The following RNF17 variants were observed in gnomAD, a reference collection of about 807,000 sequenced individuals.
RNF17 encodes ring finger protein 17.
A neutral mutation model predicts 200.5 loss-of-function variants in RNF17; 31 were observed. The ratio of observed to expected loss-of-function variants is 0.15; its 90% CI spans 0.12 to 0.21. The LOEUF (loss-of-function observed/expected upper bound fraction) is 0.21, where lower values mean the gene tolerates loss of function less well. Among genes scored for constraint, RNF17 ranks in the 10% least tolerant of loss-of-function variants. RNF17 has a pLI of 1.00. For missense variants in RNF17, 1,628 were observed against 1,905.1 expected (o/e 0.85, Z 2.71); for synonymous variants, 606 against 637.8 (o/e 0.95, Z 0.75).
chr13:24,850,540 T>A, intron 23 of RNF17, 97 bp downstream of exon 23: 1 of 782,456 alleles, frequency 1.3e-6, no homozygotes, highest in Non-Finnish European at 2.0e-6. Context: ...AGCCAACTAT[T>A]TGGATTTTGT....
intron 15 of RNF17, among the ~76,000 whole-genome samples, chr13:24,809,376 G>T (rs1886301470): frequency 6.6e-6 from 1 of 152,172 alleles, no homozygotes; most frequent in South Asian, 2.1e-4. Context: ...AGTCTTGGGA[G>T]AGTGTGTCGA....
chr13:24,766,758 TACAAATA>T (rs1879756301), intron 1 of RNF17, among the ~76,000 whole-genome samples: 1 of 152,244 alleles, frequency 6.6e-6, no homozygotes, highest in Non-Finnish European at 1.5e-5. Context: ...CTGTGATATT[TACAAATA>T]ACAAATAAAA....
chr13:24,863,853 C>A (rs571705793), intron 28 of RNF17, among the ~76,000 whole-genome samples: 1 of 152,206 alleles, frequency 6.6e-6, no homozygotes, highest in Non-Finnish European at 1.5e-5. Flanking sequence ...ACAACCCAGC[C>A]GACAGCAGGC....
intron 15 of RNF17, among the ~76,000 whole-genome samples, chr13:24,815,900 G>A (rs78112181): frequency 6.6e-6 from 1 of 151,952 alleles, no homozygotes; most frequent in African/African-American, 2.4e-5. Context: ...TTGTTTCCTT[G>A]TTGGTTTGTT....
intron 18 of RNF17, 108 bp from the exon 19 acceptor site, chr13:24,841,933 T>C: frequency 1.1e-6 from 1 of 908,222 alleles, no homozygotes; most frequent in Non-Finnish European, 1.6e-6. Context: ...GCCACTGCAC[T>C]CCAGCCTGGG....
intron 27 of RNF17, 51 bp downstream of exon 27, chr13:24,861,438 T>C: frequency 1.7e-6 from 2 of 1,210,000 alleles, no homozygotes; most frequent in South Asian, 1.8e-5. Context: ...TTAGTTTTTA[T>C]TAATAATTTT....
intron 2 of RNF17, among the ~76,000 whole-genome samples, chr13:24,769,610 G>A (rs1047530554): frequency 6.6e-6 from 1 of 152,146 alleles, no homozygotes; most frequent in Non-Finnish European, 1.5e-5. Context: ...GAGAATGGAA[G>A]AATCTAGTTT....
chr13:24,868,394 C>T (rs1050925355), intron 30 of RNF17, among the ~76,000 whole-genome samples: 9 of 133,806 alleles, frequency 6.7e-5, no homozygotes, highest in Admixed American at 8.5e-5. Flanking sequence ...GGCGTGAACC[C>T]GGGAGGCGGA....
chr13:24,861,555 T>C (rs1893105450), intron 27 of RNF17, among the ~76,000 whole-genome samples, 168 bp downstream of exon 27: 1 of 152,208 alleles, frequency 6.6e-6, no homozygotes, highest in Non-Finnish European at 1.5e-5. Context: ...TGAAGACAGT[T>C]ACAAAATTAT....
intron 22 of RNF17, among the ~76,000 whole-genome samples, chr13:24,848,805 A>G (rs1005828141): frequency 1.3e-5 from 2 of 152,232 alleles, no homozygotes; most frequent in African/African-American, 2.4e-5. Context: ...TAATAAATCA[A>G]TGGATAACCT....
chr13:24,790,675 C>G (rs780946709), intron 9 of RNF17, among the ~76,000 whole-genome samples: 10 of 152,132 alleles, frequency 6.6e-5, no homozygotes, highest in Non-Finnish European at 1.3e-4. Flanking sequence ...GCTGAGAAGC[C>G]CAAGATCATA....
intron 16 of RNF17, among the ~76,000 whole-genome samples, chr13:24,829,425 T>C (rs567003430): frequency 6.6e-6 from 1 of 152,360 alleles, no homozygotes; most frequent in South Asian, 2.1e-4. Context: ...TCAGAGACTT[T>C]AGGAAGAGTA....
chr13:24,859,653 T>G (rs1223484833), intron 26 of RNF17, among the ~76,000 whole-genome samples: 1 of 152,010 alleles, frequency 6.6e-6, no homozygotes, highest in Non-Finnish European at 1.5e-5. Flanking sequence ...TAATACATTG[T>G]ATTTACTAAG....
Position 24,808,274 on chromosome 13 carries a change from A to G in RNF17, c.2091+3845A>G, listed in dbSNP as rs530422068. ...TTCAGGATATTGATTCTTCCTGCCCATGAGCATGGAATGTTCTTCCATTTG... is the reference window on the plus strand; with the variant it reads ...TTCAGGATATTGATTCTTCCTGCCCGTGAGCATGGAATGTTCTTCCATTTG... On this transcript the variant is annotated intron_variant, in intron 15 of 35. Coordinates refer to ENST00000255324, the MANE Select transcript of RNF17 (RefSeq NM_031277.3). Among the ~76,000 whole-genome samples the G allele has an allele frequency of 7.2e-5, 11 of 152,160 alleles. No homozygotes were observed. The East Asian group carries it at 2.1e-3, about 29-fold the overall frequency.
downstream of RNF17, chr13:24,883,387 A>G: frequency 6.4e-7 from 1 of 1,558,974 alleles, no homozygotes; most frequent in Non-Finnish European, 8.7e-7. Flanking sequence ...ATTTAAAAAA[A>G]ATATGATTTC....
chr13:24,864,900 T>C lies in RNF17; in HGVS notation c.4003T>C (p.Leu1335=). The part of the protein sequence containing the change: ...MELPKNPWEK[L]SIHLYFDGMS... The stretch of plus-strand genomic sequence containing the variant: ...GTTACCTAAAAATCCATGGGAGAAA[T>C]TGTCTATTCACCTCTATTTTGATGG... The change falls in exon 29 of 36, where the codon TTG becomes CTG. Residue 1335 remains leucine, a synonymous_variant. Transcript: ENST00000255324. 7 of 1,561,562 alleles carry C rather than the reference T, an allele frequency of 4.5e-6. No individual in the cohort carries two copies. The highest frequency in any genetic ancestry group is 6.1e-6 in the Non-Finnish European group (7 of 1,142,854).
chr13:24,860,949 C>G (rs1263094673), intron 26 of RNF17, among the ~76,000 whole-genome samples: 1 of 151,632 alleles, frequency 6.6e-6, no homozygotes. Context: ...ACAGTCACAG[C>G]TCATTGCAGC....
intron 6 of RNF17, 49 bp from the exon 7 acceptor site, chr13:24,787,939 A>G (rs755692580): frequency 2.8e-6 from 4 of 1,415,860 alleles, no homozygotes; most frequent in Non-Finnish European, 3.8e-6. Context: ...GACTTTTTCT[A>G]TAAATATTTA....
chr13:24,793,912 C>T (rs560479764), intron 10 of RNF17, among the ~76,000 whole-genome samples: 1 of 152,232 alleles, frequency 6.6e-6, no homozygotes, highest in East Asian at 1.9e-4. Flanking sequence ...TTATTTTCCC[C>T]TACCCGTTGT....
Sources: gnomAD v4.1 joint callset for allele counts (sites outside exome capture counted in the v4.1 genomes callset) on GRCh38, gnomAD v4.1.1 for gene constraint, MANE v1.5 for transcripts, NCBI Gene and HGNC (gene_info 2026-07-23, HGNC 2026-07-21) for gene names.